Variants in HTR2C observed in about 807,000 individuals in gnomAD.
HTR2C encodes the protein 5-hydroxytryptamine (serotonin) receptor 2C, G protein-coupled.
HTR2C carries 5 observed loss-of-function variants against 21.0 expected under a neutral mutation model. The observed-to-expected ratio is 0.24, with a 90% CI of 0.12 to 0.50. The LOEUF (loss-of-function observed/expected upper bound fraction) is 0.50. Ranked by LOEUF, HTR2C falls within the 20% of genes least tolerant of loss-of-function variation. The probability of loss-of-function intolerance (pLI) is 0.98; values close to 1 mark genes in which losing one functional copy is unlikely to be tolerated. For missense variants in HTR2C, 271 were observed against 371.2 expected (o/e 0.73, Z 2.22); for synonymous variants, 150 against 145.3 (o/e 1.03, Z -0.23).
At chrX:114,864,153 G>T (rs782707713) in intron 5 of HTR2C, among the ~76,000 whole-genome samples, 5 of 109,859 alleles carry the variant, frequency 4.6e-5, no homozygotes, top group African/African-American at 1.6e-4. Flanking sequence ...GACAGATAAG[G>T]ACTTGCTACT....
chrX:114,800,649 G>C (rs911387345), intron 4 of HTR2C, among the ~76,000 whole-genome samples: 3 of 111,251 alleles, frequency 2.7e-5, no homozygotes, highest in African/African-American at 9.8e-5. Context: ...GACATCAGTA[G>C]CTGGTAATAA....
At chrX:114,764,938 TTCCTTCCTTCCTTCTA>T (rs1293395279) in intron 4 of HTR2C, among the ~76,000 whole-genome samples, 4 of 11,046 alleles carry the variant, frequency 3.6e-4, no homozygotes, top group Non-Finnish European at 9.6e-4. Flanking sequence ...CCTTCCTTCC[TTCCTTCCTTCCTTCTA>T]TCTTTCTTCC....
chrX:114,593,895 C>G (rs1174200535), intron 1 of HTR2C, among the ~76,000 whole-genome samples: 1 of 111,911 alleles, frequency 8.9e-6, no homozygotes, highest in African/African-American at 3.2e-5. Flanking sequence ...TATGACTCTT[C>G]AGCTACTTAA....
chrX:114,725,734 G>T (rs1421244485), intron 2 of HTR2C, among the ~76,000 whole-genome samples: 9 of 110,743 alleles, frequency 8.1e-5, no homozygotes, highest in Non-Finnish European at 1.3e-4. Context: ...CCTTCTAACA[G>T]ACAGGACCCT....
chrX:114,650,548 C>T (rs1556408325), intron 2 of HTR2C, among the ~76,000 whole-genome samples: 1 of 112,027 alleles, frequency 8.9e-6, no homozygotes, highest in Non-Finnish European at 1.9e-5. Context: ...CTTCAAGTCT[C>T]ATGTCATATG....
intron 5 of HTR2C, among the ~76,000 whole-genome samples, chrX:114,897,871 A>G (rs1039544224): frequency 1.8e-5 from 2 of 112,434 alleles, no homozygotes; most frequent in African/African-American, 6.5e-5. Context: ...GAACATATAC[A>G]TGCATGTATC....
chrX:114,880,116 T>C (rs1047831606), intron 5 of HTR2C, among the ~76,000 whole-genome samples: 13 of 110,506 alleles, frequency 1.2e-4, no homozygotes, highest in Non-Finnish European at 2.3e-4. Context: ...GTTTAGTATA[T>C]TTACAAAATT....
At chrX:114,684,298 T>C (rs1556413938) in intron 2 of HTR2C, among the ~76,000 whole-genome samples, 1 of 112,052 alleles carries the variant, frequency 8.9e-6, no homozygotes, top group African/African-American at 3.2e-5. Flanking sequence ...AAGAATTCAA[T>C]AGAAATTATT....
intron 4 of HTR2C, among the ~76,000 whole-genome samples, chrX:114,741,654 C>T (rs2069650732): frequency 9.9e-6 from 1 of 100,819 alleles, no homozygotes; most frequent in Admixed American, 1.1e-4. Flanking sequence ...TAACAGAGCC[C>T]CCACTGACCA....
chrX:114,647,235 A>C, intron 2 of HTR2C, among the ~76,000 whole-genome samples: 1 of 111,817 alleles, frequency 8.9e-6, no homozygotes, highest in Middle Eastern at 4.6e-3. Flanking sequence ...TGGATTTTAA[A>C]TGTTCTCCCT....
chrX:114,633,945 T>TAGAGAGAGAG (rs1216290509), intron 2 of HTR2C, among the ~76,000 whole-genome samples: 8 of 25,856 alleles, frequency 3.1e-4, no homozygotes, highest in East Asian at 0.013. Context: ...TATATATATA[T>TAGAGAGAGAG]ATAGAGAGAG....
At position 114,723,868 on chromosome X, in the gene HTR2C, G is replaced by T. The variant is rs1303294394; in HGVS notation, c.-79-2990G>T. Among the ~76,000 whole-genome samples the T allele has an allele frequency of 5.9e-5, 6 of 101,622 alleles. No individual in the cohort carries two copies. The Admixed American group carries it at 6.7e-4, about 11-fold the overall frequency. 88.2% of individuals were successfully genotyped at this position (101,622 alleles called of 115,157 possible). A position where few individuals can be genotyped will look rare whatever the true frequency, so the allele number is the denominator to read the frequency against. On this transcript the variant is annotated intron_variant, in intron 2 of 5. Coordinates refer to ENST00000276198, the MANE Select transcript of HTR2C (RefSeq NM_000868.4). ...TCCTGAGTTCTAGTTTGATTGCACT[G>T]TGGTCTGAGAGATAGTTTGTTATAA...
At chrX:114,721,831 TA>T (rs1933229660) in intron 2 of HTR2C, among the ~76,000 whole-genome samples, 1 of 109,209 alleles carries the variant, frequency 9.2e-6, no homozygotes, top group African/African-American at 3.3e-5. Flanking sequence ...TAGTTGTAGG[TA>T]TGCGGCGTTA....
At position 114,807,339 on chromosome X, in the gene HTR2C, G is replaced by GTATATACGCCATA. The variant is rs2070480144; in HGVS notation, c.350-40661_350-40660insATACGCCATATAT. On this transcript the variant is annotated intron_variant, in intron 4 of 5. Transcript: ENST00000276198. ...TATCTATACCATATATATACACCAT[G>GTATATACGCCATA]TATCTATACCATATATATACACCAT... 9.7e-4 allele frequency among the ~76,000 whole-genome samples: 8 copies of GTATATACGCCATA among 8,260 alleles called. 2 individuals are homozygous for GTATATACGCCATA. Among genetic ancestry groups the GTATATACGCCATA allele is most frequent in the African/African-American group, 3.5e-3 (8 of 2,317 alleles). The allele number at this position is 8,260 out of a possible 115,157, so 7.2% of individuals were successfully genotyped here.
rs192421529 is a variant in HTR2C, at chrX:114,737,428, A to G, written c.349+5821A>G. Among the ~76,000 whole-genome samples the G allele has an allele frequency of 4.2e-4, 46 of 109,892 alleles. No homozygotes were observed. In the East Asian group the frequency reaches 0.013, roughly 31 times the overall value. On this transcript the variant is annotated intron_variant, in intron 4 of 5. Transcript: ENST00000276198. ...TTTTTGGTAGAGACGGGGTTTCACAATGTTGGCCAGGCCACTCCTGACCTC... is the reference window on the plus strand; with the variant it reads ...TTTTTGGTAGAGACGGGGTTTCACAGTGTTGGCCAGGCCACTCCTGACCTC...
At position 114,844,740 on chromosome X, in the gene HTR2C, C is replaced by A. The variant is rs887312678; in HGVS notation, c.350-3263C>A. Among the ~76,000 whole-genome samples the A allele has an allele frequency of 2.2e-4, 24 of 111,548 alleles. No individual in the cohort carries two copies. In the Admixed American group the frequency reaches 2.3e-3, roughly 11 times the overall value. On this transcript the variant is annotated intron_variant, in intron 4 of 5. Coordinates refer to ENST00000276198, the MANE Select transcript of HTR2C (RefSeq NM_000868.4). ...AACTTGTCAGACAAAATAGAACTTA[C>A]AAAGATAGTTGTTGTGAACAACATC...
chrX:114,630,851 G>A (rs377605963), intron 2 of HTR2C: 3 of 370,997 alleles, frequency 8.1e-6, no homozygotes, highest in Non-Finnish European at 1.6e-5. Context: ...GCATCAAGCG[G>A]TGCAAAAGCA....
intron 5 of HTR2C, among the ~76,000 whole-genome samples, chrX:114,899,781 G>C (rs1233063255): frequency 9.3e-6 from 1 of 107,842 alleles, no homozygotes; most frequent in Non-Finnish European, 1.9e-5. Context: ...GTTCCTCTCT[G>C]TGAGTGCCGT....
At chrX:114,737,710 T>C (rs997971312) in intron 4 of HTR2C, among the ~76,000 whole-genome samples, 17 of 111,637 alleles carry the variant, frequency 1.5e-4, no homozygotes, top group African/African-American at 2.3e-4. Context: ...ACATAAAAAA[T>C]AGATAATTTA....
Sources: gnomAD v4.1 joint callset for allele counts (sites outside exome capture counted in the v4.1 genomes callset) on GRCh38, gnomAD v4.1.1 for gene constraint, MANE v1.5 for transcripts, NCBI Gene and HGNC (gene_info 2026-07-23, HGNC 2026-07-21) for gene names.